The following RIT2 variants were observed in gnomAD, a reference collection of about 807,000 sequenced individuals.
RIT2 encodes the protein GTP-binding protein Rit2.
A neutral mutation model predicts 23.7 loss-of-function variants in RIT2; 24 were observed. That is an observed-to-expected ratio of 1.01 (90% CI 0.73 to 1.43). The LOEUF is 1.43. Ranked by LOEUF, RIT2 falls within the 40% of genes most tolerant of loss-of-function variation. The pLI, the probability that RIT2 is intolerant of heterozygous loss-of-function variation, is 0.00. For synonymous variants in RIT2, 107 were observed against 91.1 expected (o/e 1.17, Z -0.99); for missense variants, 236 against 266.9 (o/e 0.88, Z 0.81).
chr18:42,920,000 A>G lies in RIT2; in HGVS notation c.426+3572T>C, dbSNP rs568309275. Among the ~76,000 whole-genome samples the G allele has an allele frequency of 2.9e-3, 442 of 152,268 alleles. 1 individual carries two copies. Among genetic ancestry groups the G allele is most frequent in the Middle Eastern group, 6.8e-3 (2 of 294 alleles). ...CTTTGGACAGAATTTTTTGGCTGTT[A>G]TAAAACACAACTTTCCAGTAATTTT... On this transcript the variant is annotated intron_variant, in intron 4 of 4. Coordinates refer to ENST00000326695, the MANE Select transcript of RIT2 (RefSeq NM_002930.4).
At chr18:42,744,333 T>C (rs958919432) in intron 4 of RIT2, among the ~76,000 whole-genome samples, 3 of 152,254 alleles carry the variant, frequency 2.0e-5, no homozygotes, top group Non-Finnish European at 4.4e-5. Flanking sequence ...TAAAAATATA[T>C]AGCAATGTGA....
chr18:42,865,240 A>T (rs1194106402), intron 4 of RIT2, among the ~76,000 whole-genome samples: 1 of 152,198 alleles, frequency 6.6e-6, no homozygotes, highest in East Asian at 1.9e-4. Context: ...ATAGCTGGCC[A>T]TCCCAATGTG....
rs779086952 is a variant in RIT2 at position 42,849,095 on chromosome 18, G to A, written c.426+74477C>T. 4.6e-5 allele frequency among the ~76,000 whole-genome samples: 7 copies of A among 152,170 alleles called. No homozygotes were observed. In the South Asian group the frequency reaches 8.3e-4, roughly 18 times the overall value. ...TGAGGAAACAGACCTAGTGAAGTAA[G>A]CCGACCTGTCTATAGTCACATAGCC... On this transcript the variant is annotated intron_variant, in intron 4 of 4. Coordinates refer to ENST00000326695, the MANE Select transcript of RIT2 (RefSeq NM_002930.4).
At chr18:43,010,886 C>T (rs141486983) in intron 2 of RIT2, among the ~76,000 whole-genome samples, 178 of 151,734 alleles carry the variant, frequency 1.2e-3, no homozygotes, top group African/African-American at 4.1e-3. Context: ...ATTCTGTTGC[C>T]AAGATATATG....
intron 4 of RIT2, among the ~76,000 whole-genome samples, chr18:42,868,504 CATT>C (rs773446808): frequency 1.3e-5 from 2 of 152,184 alleles, no homozygotes; most frequent in Non-Finnish European, 2.9e-5. Flanking sequence ...ATGTAACAAA[CATT>C]ATTTTTAATT....
At chr18:42,948,679 G>T (rs1909781363) in intron 3 of RIT2, among the ~76,000 whole-genome samples, 1 of 152,050 alleles carries the variant, frequency 6.6e-6, no homozygotes, top group Non-Finnish European at 1.5e-5. Flanking sequence ...CCTCTGAAAA[G>T]TGTCCTATTT....
At chr18:43,029,359 G>A (rs895290634) in intron 2 of RIT2, among the ~76,000 whole-genome samples, 3 of 151,982 alleles carry the variant, frequency 2.0e-5, no homozygotes, top group Non-Finnish European at 2.9e-5. Flanking sequence ...TTGGTCTTAT[G>A]AATTTCTGGG....
chr18:43,030,227 C>T (rs531610697), intron 2 of RIT2, among the ~76,000 whole-genome samples: 1 of 151,974 alleles, frequency 6.6e-6, no homozygotes, highest in East Asian at 1.9e-4. Flanking sequence ...AAAAGAAAGG[C>T]TTATTTTTGG....
intron 1 of RIT2, among the ~76,000 whole-genome samples, chr18:43,052,606 T>C (rs964072300): frequency 1.3e-5 from 2 of 152,042 alleles, no homozygotes; most frequent in African/African-American, 4.8e-5. Flanking sequence ...GGGCTGGTGA[T>C]TTATCAAACT....
chr18:43,059,679 G>C (rs1912596838), intron 1 of RIT2, among the ~76,000 whole-genome samples: 1 of 152,078 alleles, frequency 6.6e-6, no homozygotes, highest in African/African-American at 2.4e-5. Flanking sequence ...AAATTACTTT[G>C]ACCACTTATT....
chr18:43,036,913 A>G (rs550571980), intron 1 of RIT2, among the ~76,000 whole-genome samples: 18 of 152,336 alleles, frequency 1.2e-4, no homozygotes, highest in Non-Finnish European at 2.2e-4. Context: ...CTGTTATCAC[A>G]CTGGAGAGAA....
At chr18:43,100,493 A>G (rs1352338347) in intron 1 of RIT2, among the ~76,000 whole-genome samples, 1 of 152,188 alleles carries the variant, frequency 6.6e-6, no homozygotes, top group African/African-American at 2.4e-5. Context: ...TCTGACTTGT[A>G]GCTTAAAAGG....
chr18:42,838,150 T>G (rs2144019867), intron 4 of RIT2, among the ~76,000 whole-genome samples: 1 of 152,290 alleles, frequency 6.6e-6, no homozygotes, highest in East Asian at 1.9e-4. Flanking sequence ...TTTATTGCTT[T>G]TTCATTTCTC....
intron 4 of RIT2, among the ~76,000 whole-genome samples, chr18:42,849,472 C>T (rs1217247301): frequency 1.3e-5 from 2 of 151,988 alleles, no homozygotes. Flanking sequence ...GGGTAAAAGT[C>T]AACTCATAGT....
At chr18:42,813,785 T>G (rs1456500212) in intron 4 of RIT2, among the ~76,000 whole-genome samples, 1 of 152,170 alleles carries the variant, frequency 6.6e-6, no homozygotes, top group Non-Finnish European at 1.5e-5. Flanking sequence ...CATGATACTT[T>G]GCTGCAGAAC....
intron 4 of RIT2, among the ~76,000 whole-genome samples, chr18:42,754,760 T>C (rs1312828907): frequency 2.0e-5 from 3 of 152,226 alleles, no homozygotes; most frequent in Admixed American, 2.0e-4. Context: ...TCATTAAATA[T>C]TTAATTTGGA....
At chr18:43,066,159 A>G (rs1912766393) in intron 1 of RIT2, among the ~76,000 whole-genome samples, 1 of 152,190 alleles carries the variant, frequency 6.6e-6, no homozygotes, top group South Asian at 2.1e-4. Flanking sequence ...AGTTCTATCT[A>G]TTTAATTAAA....
Position 42,978,894 on chromosome 18 carries a change from C to T in RIT2, c.161-4747G>A, listed in dbSNP as rs28631712. Among the ~76,000 whole-genome samples the T allele has an allele frequency of 8.9e-3, 1,361 of 152,114 alleles. 38 individuals are homozygous for T. Among genetic ancestry groups the T allele is most frequent in the African/African-American group, 0.031 (1,293 of 41,518 alleles). ...AGATGGCGATAATAGTAACACTAGT[C>T]AACGCATGGGAGTTCTATAAGGATC... is the stretch of plus-strand genomic sequence containing the variant. On this transcript the variant is annotated intron_variant, in intron 2 of 4. Coordinates refer to ENST00000326695, the MANE Select transcript of RIT2 (RefSeq NM_002930.4).
At chr18:42,921,245 C>T (rs990203458) in intron 4 of RIT2, among the ~76,000 whole-genome samples, 2 of 152,126 alleles carry the variant, frequency 1.3e-5, no homozygotes, top group African/African-American at 4.8e-5. Context: ...CAAATTTTTA[C>T]ATCAACACTT....
Sources: allele counts gnomAD v4.1 joint callset (sites outside exome capture counted in the v4.1 genomes callset), GRCh38; gene constraint gnomAD v4.1.1; transcripts MANE v1.5; gene names NCBI Gene and HGNC (gene_info 2026-07-23, HGNC 2026-07-21).